PDE1C: variants seen among roughly 807,000 people sequenced by gnomAD.
PDE1C encodes the protein dual specificity calcium/calmodulin-dependent 3',5'-cyclic nucleotide phosphodiesterase 1C.
Under a neutral mutation model 93.1 loss-of-function variants are expected in PDE1C, and 62 were observed. The ratio of observed to expected loss-of-function variants is 0.67; its 90% CI spans 0.54 to 0.82. PDE1C has a LOEUF of 0.82. Ranked by LOEUF, PDE1C falls within the 40% of genes least tolerant of loss-of-function variation. The pLI is 0.00. For synonymous variants in PDE1C, 325 were observed against 310.1 expected, an observed-to-expected ratio of 1.05 and a Z score of -0.50; for missense variants, 742 against 884.6, an observed-to-expected ratio of 0.84 and a Z score of 2.04.
At chr7:31,886,198 C>A (rs553858757) in intron 2 of PDE1C, among the ~76,000 whole-genome samples, 190 of 152,318 alleles carry the variant, frequency 1.2e-3, no homozygotes, top group African/African-American at 4.4e-3. Context: ...CCCATGTATT[C>A]GAACAGCATA....
intron 2 of PDE1C, among the ~76,000 whole-genome samples, chr7:31,898,423 A>T (rs1043520771): frequency 6.6e-6 from 1 of 152,318 alleles, no homozygotes; most frequent in East Asian, 1.9e-4. Flanking sequence ...TTAATGTATT[A>T]TAAACACTTT....
intron 2 of PDE1C, among the ~76,000 whole-genome samples, chr7:31,995,559 C>T (rs186622342): frequency 5.7e-4 from 86 of 152,208 alleles, no homozygotes; most frequent in Non-Finnish European, 1.1e-3. Flanking sequence ...ATTTTTGCAT[C>T]AAGTTTTTTA....
chr7:31,738,880 G>T, the PDE1C span, among the ~76,000 whole-genome samples: 1 of 152,244 alleles, frequency 6.6e-6, no homozygotes, highest in South Asian at 2.1e-4. Flanking sequence ...TGGTGAGTAT[G>T]TGATGAACTA....
At chr7:32,193,919 T>G (rs2190999) in intron 2 of PDE1C, among the ~76,000 whole-genome samples, 46 of 133,738 alleles carry the variant, frequency 3.4e-4, no homozygotes, top group African/African-American at 1.3e-3. Flanking sequence ...TTGTTTTGTT[T>G]TTTTTTTTTT....
the PDE1C span, among the ~76,000 whole-genome samples, chr7:31,733,000 C>T: frequency 1.3e-5 from 2 of 152,150 alleles, no homozygotes; most frequent in South Asian, 4.1e-4. Context: ...TAACGGAAAG[C>T]CATTCCATAA....
At chr7:32,219,133 A>T (rs1035839705) in intron 1 of PDE1C, among the ~76,000 whole-genome samples, 1 of 152,162 alleles carries the variant, frequency 6.6e-6, no homozygotes, top group African/African-American at 2.4e-5. Context: ...TGGAAACATA[A>T]TTTTCATGCA....
chr7:32,166,272 T>G (rs898234108), intron 3 of PDE1C, among the ~76,000 whole-genome samples: 2 of 152,152 alleles, frequency 1.3e-5, no homozygotes, highest in Admixed American at 1.3e-4. Context: ...GAGTTGGAAC[T>G]GAAACCCAGT....
intron 2 of PDE1C, among the ~76,000 whole-genome samples, chr7:32,194,911 T>C (rs1467121357): frequency 6.6e-6 from 1 of 152,188 alleles, no homozygotes; most frequent in Non-Finnish European, 1.5e-5. Flanking sequence ...ACTTTACCTA[T>C]TGTGTATCTC....
chr7:32,408,591 C>T (rs963929123), intron 1 of PDE1C, among the ~76,000 whole-genome samples: 4 of 152,138 alleles, frequency 2.6e-5, no homozygotes, highest in African/African-American at 4.8e-5. Flanking sequence ...TAGTTCGAGA[C>T]CAGCCTAGCC....
chr7:32,084,291 A>C (rs1249741751), intron 3 of PDE1C, among the ~76,000 whole-genome samples: 3 of 151,888 alleles, frequency 2.0e-5, no homozygotes, highest in Non-Finnish European at 2.9e-5. Flanking sequence ...CAATTCAACA[A>C]GAAGAGCTAA....
At chr7:31,628,349 G>A in the PDE1C span, among the ~76,000 whole-genome samples, 3 of 152,158 alleles carry the variant, frequency 2.0e-5, no homozygotes, top group South Asian at 4.1e-4. Context: ...GCCAACAAAC[G>A]ACTGGTCTCC....
At chr7:32,114,705 A>T (rs1271238133) in intron 3 of PDE1C, among the ~76,000 whole-genome samples, 1 of 152,232 alleles carries the variant, frequency 6.6e-6, no homozygotes. Context: ...AAATTTTTGC[A>T]ATCTACCCAC....
intron 3 of PDE1C, among the ~76,000 whole-genome samples, chr7:32,153,422 G>A (rs1009194651): frequency 5.3e-5 from 8 of 152,250 alleles, no homozygotes; most frequent in Non-Finnish European, 1.5e-5. Context: ...GAAAGAAACG[G>A]TGACCTACAG....
intron 1 of PDE1C, among the ~76,000 whole-genome samples, chr7:32,246,496 A>G (rs1220426711): frequency 7.2e-6 from 1 of 138,126 alleles, no homozygotes; most frequent in Non-Finnish European, 1.6e-5. Context: ...GCTACTGGCC[A>G]TGGCTGGTCA....
chr7:32,061,471 C>T (rs1359510311), intron 1 of PDE1C, among the ~76,000 whole-genome samples: 3 of 152,228 alleles, frequency 2.0e-5, no homozygotes, highest in East Asian at 3.8e-4. Flanking sequence ...AGGCCAAGCC[C>T]CCTCAATGGA....
At chr7:32,298,610 TTGCCCGAGCCAGG>T (rs1812779477) in intron 1 of PDE1C, 1 of 1,566,828 alleles carries the variant, frequency 6.4e-7, no homozygotes. Context: ...GAGAGGGCGT[TTGCCCGAGCCAGG>T]AGTCCGAGAG....
Position 32,392,320 on chromosome 7 carries a change from C to T in PDE1C, c.310+35502G>A, listed in dbSNP as rs1002657744. The stretch of plus-strand genomic sequence containing the variant: ...GTAGAGATCTTCCCAGAATAGAAAG[C>T]CCAGGCCTAGGTTGCTTCGCTGGTA... On this transcript the variant is annotated intron_variant, in intron 1 of 1. Transcript: ENST00000672256. 1.1e-4 allele frequency among the ~76,000 whole-genome samples: 17 copies of T among 152,104 alleles called. 2 individuals carry two copies.
At chr7:31,873,202 G>T in intron 6 of PDE1C, 90 bp downstream of exon 6, 1 of 756,552 alleles carries the variant, frequency 1.3e-6, no homozygotes, top group Non-Finnish European at 2.2e-6. Context: ...TTTTCATTCC[G>T]CATATTAAAA....
intron 17 of PDE1C, among the ~76,000 whole-genome samples, chr7:31,763,969 ATAT>A (rs1562755793): frequency 6.7e-6 from 1 of 148,548 alleles, no homozygotes; most frequent in Admixed American, 6.7e-5. Context: ...GAAAATATAT[ATAT>A]TATGTATATA....
Sources: gnomAD v4.1 joint callset for allele counts (sites outside exome capture counted in the v4.1 genomes callset) on GRCh38, gnomAD v4.1.1 for gene constraint, MANE v1.5 for transcripts, NCBI Gene and HGNC (gene_info 2026-07-23, HGNC 2026-07-21) for gene names.